The following GRHL2 variants were observed in gnomAD, a reference collection of about 807,000 sequenced individuals.
The protein encoded by GRHL2 is grainyhead like transcription factor 2, also known as grainyhead-like protein 2 homolog.
GRHL2 carries 21 observed loss-of-function variants against 83.8 expected under a neutral mutation model. The observed-to-expected ratio is 0.25, with a 90% CI of 0.18 to 0.36. The LOEUF (loss-of-function observed/expected upper bound fraction) is 0.36, where lower values mean the gene tolerates loss of function less well. Ranked by LOEUF, GRHL2 falls within the 10% of genes least tolerant of loss-of-function variation. GRHL2 has a pLI of 1.00. For synonymous variants in GRHL2, 280 were observed against 278.9 expected, an observed-to-expected ratio of 1.00 and a Z score of -0.04; for missense variants, 623 against 781.8, an observed-to-expected ratio of 0.80 and a Z score of 2.42.
chr8:101,580,713 T>C (rs1812033983), intron 7 of GRHL2, among the ~76,000 whole-genome samples: 1 of 152,180 alleles, frequency 6.6e-6, no homozygotes, highest in African/African-American at 2.4e-5. Flanking sequence ...TATTTATTTA[T>C]TTATTTTTGA....
chr8:101,656,869 A>AACACACACAC (rs1329881993), intron 14 of GRHL2, among the ~76,000 whole-genome samples: 3 of 55,358 alleles, frequency 5.4e-5, no homozygotes, highest in Non-Finnish European at 9.8e-5. Flanking sequence ...TTATGTGTCT[A>AACACACACAC]ACAGACACAC....
chr8:101,677,898 C>T, the GRHL2 span, among the ~76,000 whole-genome samples: 1 of 152,064 alleles, frequency 6.6e-6, no homozygotes, highest in Admixed American at 6.5e-5. Context: ...ATTGGTGATA[C>T]CCTCAGCCTG....
chr8:101,617,256 T>C (rs1917728), intron 8 of GRHL2, among the ~76,000 whole-genome samples: 74,282 of 152,048 alleles, frequency 0.49, 19,426 homozygotes, highest in African/African-American at 0.68. Context: ...GCCCAGGGGT[T>C]AGGGCATAGG....
At chr8:101,652,392 TGTGTGTCTG>T (rs1813659917) in intron 14 of GRHL2, among the ~76,000 whole-genome samples, 1 of 73,350 alleles carries the variant, frequency 1.4e-5, no homozygotes, top group Non-Finnish European at 2.4e-5. Flanking sequence ...GTGGTGTGTG[TGTGTGTCTG>T]GTGTGTGTGT....
intron 1 of GRHL2, among the ~76,000 whole-genome samples, chr8:101,520,702 G>C (rs1446866141): frequency 6.6e-6 from 1 of 152,144 alleles, no homozygotes; most frequent in African/African-American, 2.4e-5. Context: ...AATCCTAAAA[G>C]TGAATTACTA....
chr8:101,650,389 TACC>T (rs1813597981), intron 14 of GRHL2, among the ~76,000 whole-genome samples: 1 of 152,244 alleles, frequency 6.6e-6, no homozygotes, highest in South Asian at 2.1e-4. Flanking sequence ...TGTGTAAATA[TACC>T]ACATTTTGTA....
chr8:101,558,224 G>A (rs1034869209), intron 3 of GRHL2, among the ~76,000 whole-genome samples, 195 bp from the exon 4 acceptor site: 1 of 152,108 alleles, frequency 6.6e-6, no homozygotes, highest in Non-Finnish European at 1.5e-5. Context: ...GATACCAGGG[G>A]GCGCATGGCT....
chr8:101,564,057 T>C lies in GRHL2; in HGVS notation c.678+5245T>C, dbSNP rs1056921406. ...TAAAGAGGCTTGTGAAAGGAAGCTATTGTATTTTGGGCTTTATTTTGAAGT... is the reference window on the plus strand; with the variant it reads ...TAAAGAGGCTTGTGAAAGGAAGCTACTGTATTTTGGGCTTTATTTTGAAGT... On this transcript the variant is annotated intron_variant, in intron 4 of 15. Coordinates refer to ENST00000646743, the MANE Select transcript of GRHL2 (RefSeq NM_024915.4). 2.6e-5 allele frequency among the ~76,000 whole-genome samples: 4 copies of C among 152,310 alleles called. No homozygotes were observed. In the East Asian group the frequency reaches 7.7e-4, roughly 29 times the overall value.
rs7821811 is a variant in GRHL2 at position 101,544,537 on chromosome 8, G to A, written c.216+1101G>A. On this transcript the variant is annotated intron_variant, in intron 2 of 15. Transcript: ENST00000646743. The stretch of plus-strand genomic sequence containing the variant: ...GACCTGCTCCTTTTGAATTATTAAA[G>A]TATAAAAAGTTGACCAGTATTTACT... Among the ~76,000 whole-genome samples, 784 of 152,252 alleles carry A rather than the reference G, an allele frequency of 5.1e-3. 3 individuals are homozygous for A. Among genetic ancestry groups the A allele is most frequent in the African/African-American group, 0.017 (725 of 41,522 alleles).
the GRHL2 span, among the ~76,000 whole-genome samples, chr8:101,677,203 A>AAATAAG: frequency 6.7e-6 from 1 of 148,320 alleles, no homozygotes; most frequent in African/African-American, 2.5e-5. Context: ...CCTAAAACTT[A>AAATAAG]AATAATAACA....
intron 7 of GRHL2, among the ~76,000 whole-genome samples, chr8:101,585,939 C>T (rs1812154935): frequency 6.6e-6 from 1 of 151,958 alleles, no homozygotes; most frequent in South Asian, 2.1e-4. Flanking sequence ...TGGGGGTGGT[C>T]CTCGGGCTCC....
At chr8:101,516,410 CTTTTTTTTTTTTTT>C (rs33990862) in intron 1 of GRHL2, among the ~76,000 whole-genome samples, 1 of 86,014 alleles carries the variant, frequency 1.2e-5, no homozygotes, top group Non-Finnish European at 2.2e-5. Context: ...ACCTCTTTTC[CTTTTTTTTTTTTTT>C]TTTTTTTTGA....
chr8:101,576,300 A>G (rs544531748), intron 6 of GRHL2, among the ~76,000 whole-genome samples: 2 of 152,202 alleles, frequency 1.3e-5, no homozygotes, highest in South Asian at 4.2e-4. Context: ...TGAAGCCTCA[A>G]CCTCCCAAGC....
intron 8 of GRHL2, among the ~76,000 whole-genome samples, chr8:101,612,504 GATAGATAGATAGATAGATACATACATAC>G (rs1227062912): frequency 2.0e-3 from 248 of 125,958 alleles, no homozygotes; most frequent in Non-Finnish European, 2.6e-3. Context: ...TAGATAGATA[GATAGATAGATAGATAGATACATACATAC>G]ATACATACAT....
chr8:101,616,320 A>G (rs576196257), intron 8 of GRHL2, among the ~76,000 whole-genome samples: 216 of 151,870 alleles, frequency 1.4e-3, no homozygotes, highest in African/African-American at 4.9e-3. Context: ...ACAGGTGCCC[A>G]CCACCATACC....
In GRHL2 at chr8:101,666,754, G is replaced by T; in HGVS notation, c.*51G>T. ...TGGAGCTCTCAGTGCGTTCCTCCCT[G>T]AGAGAGACAGAAGCCCCAGCCCCAG... On this transcript the variant is annotated 3_prime_UTR_variant, in exon 16 of 16. Coordinates refer to ENST00000646743, the MANE Select transcript of GRHL2 (RefSeq NM_024915.4). 1 of 1,060,080 alleles carries T rather than the reference G, an allele frequency of 9.4e-7. No homozygotes were observed. The highest frequency in any genetic ancestry group is 1.5e-6 in the Non-Finnish European group (1 of 677,244). The allele number at this position is 1,060,080 out of a possible 1,614,324, so 65.7% of individuals were successfully genotyped here.
chr8:101,594,091 AAAAAAAAGAG>A lies in GRHL2; in HGVS notation c.1004-4964_1004-4955del, dbSNP rs1363460965. 3.0e-3 allele frequency among the ~76,000 whole-genome samples: 408 copies of A among 136,714 alleles called. 10 individuals carry two copies. The highest frequency in any genetic ancestry group is 0.011 in the African/African-American group (349 of 33,032). 89.7% of individuals were successfully genotyped at this position (136,714 alleles called of 152,430 possible). ...TATCAAAAAAAAAAAAAAAAAAAAAAAAAAAAAGAGAGAGATAGTGAAGGGGGAACAGATG... is the reference window on the plus strand; with the variant it reads ...TATCAAAAAAAAAAAAAAAAAAAAAAAGAGATAGTGAAGGGGGAACAGATG... On this transcript the variant is annotated intron_variant, in intron 7 of 15. Transcript: ENST00000646743.
At chr8:101,596,861 G>T (rs764605661) in intron 7 of GRHL2, among the ~76,000 whole-genome samples, 1 of 152,108 alleles carries the variant, frequency 6.6e-6, no homozygotes, top group African/African-American at 2.4e-5. Context: ...CTTTTATATT[G>T]AAGTACGTGC....
intron 7 of GRHL2, among the ~76,000 whole-genome samples, chr8:101,597,522 C>T: frequency 6.6e-6 from 1 of 152,150 alleles, no homozygotes; most frequent in Non-Finnish European, 1.5e-5. Flanking sequence ...GAGTTCATGT[C>T]CTTTGTAGGG....
Sources: gnomAD v4.1 joint callset for allele counts (sites outside exome capture counted in the v4.1 genomes callset) on GRCh38, gnomAD v4.1.1 for gene constraint, MANE v1.5 for transcripts, NCBI Gene and HGNC (gene_info 2026-07-23, HGNC 2026-07-21) for gene names.